The following CDYL variants were observed in gnomAD, a reference collection of about 807,000 sequenced individuals.
CDYL encodes chromodomain Y like.
CDYL carries 8 observed loss-of-function variants against 47.3 expected under a neutral mutation model. That is an observed-to-expected ratio of 0.17 (90% CI 0.10 to 0.31). The LOEUF is 0.31. Ranked by LOEUF, CDYL falls within the 10% of genes least tolerant of loss-of-function variation. The pLI is 1.00. For missense variants in CDYL, 471 were observed against 701.4 expected, an observed-to-expected ratio of 0.67 and a Z score of 3.71; for synonymous variants, 266 against 265.0, an observed-to-expected ratio of 1.00 and a Z score of -0.04.
chr6:4,715,909 T>C, intron 2 of CDYL: 1 of 1,606,334 alleles, frequency 6.2e-7, no homozygotes, highest in Non-Finnish European at 8.5e-7. Context: ...TCAAATTAGT[T>C]CTGATGCAGT....
intron 3 of CDYL, among the ~76,000 whole-genome samples, chr6:4,937,063 A>T (rs1758217615): frequency 6.6e-6 from 1 of 152,210 alleles, no homozygotes; most frequent in African/African-American, 2.4e-5. Context: ...CTCCAGTAAT[A>T]AAATGCTTTT....
chr6:4,758,735 G>T (rs1758118464), intron 3 of CDYL, among the ~76,000 whole-genome samples: 2 of 152,036 alleles, frequency 1.3e-5, no homozygotes, highest in Non-Finnish European at 2.9e-5. Context: ...TAATTCTAGA[G>T]AAAAGTCACA....
chr6:4,707,488 G>A (rs892524617), intron 1 of CDYL, among the ~76,000 whole-genome samples: 1 of 152,100 alleles, frequency 6.6e-6, no homozygotes, highest in Non-Finnish European at 1.5e-5. Context: ...TGGCCAGGAT[G>A]GTCTTGATCT....
At chr6:4,822,416 G>T (rs2127449322) in intron 1 of CDYL, among the ~76,000 whole-genome samples, 1 of 151,656 alleles carries the variant, frequency 6.6e-6, no homozygotes, top group South Asian at 2.1e-4. Context: ...AATTTAATCT[G>T]GGGGGAAAAA....
intron 1 of CDYL, among the ~76,000 whole-genome samples, chr6:4,785,708 A>G: frequency 6.6e-6 from 1 of 152,336 alleles, no homozygotes; most frequent in East Asian, 1.9e-4. Context: ...TGCACACTGG[A>G]CAACAGCTCT....
chr6:4,715,682 G>T (rs1366209544), intron 1 of CDYL: 12 of 1,493,706 alleles, frequency 8.0e-6, no homozygotes, highest in East Asian at 2.4e-5. Context: ...AATGCCATGA[G>T]CCTTGGGTTT....
At chr6:4,712,540 C>T (rs938727138) in intron 1 of CDYL, among the ~76,000 whole-genome samples, 4 of 152,302 alleles carry the variant, frequency 2.6e-5, no homozygotes, top group East Asian at 3.9e-4. Flanking sequence ...ACCTCCCACC[C>T]GGGCACAAGC....
At chr6:4,894,889 GTA>G (rs1561692357) in intron 2 of CDYL, among the ~76,000 whole-genome samples, 35 of 148,170 alleles carry the variant, frequency 2.4e-4, no homozygotes, top group African/African-American at 5.9e-4. Flanking sequence ...GTATGTGTGT[GTA>G]TATATACACA....
At chr6:4,894,878 T>TGTGTATATATACACAC (rs1561692297) in intron 2 of CDYL, among the ~76,000 whole-genome samples, 2 of 148,102 alleles carry the variant, frequency 1.4e-5, no homozygotes, top group African/African-American at 5.2e-5. Flanking sequence ...TACACACATG[T>TGTGTATATATACACAC]GTATGTGTGT....
At chr6:4,938,889 A>G (rs571810140) in intron 4 of CDYL, among the ~76,000 whole-genome samples, 3 of 152,272 alleles carry the variant, frequency 2.0e-5, no homozygotes, top group African/African-American at 7.2e-5. Context: ...ATATCCCCTC[A>G]TTTATCATGC....
At chr6:4,769,965 TTGTGTGTGTGTGTG>T (rs58041362) in intron 3 of CDYL, among the ~76,000 whole-genome samples, 122 of 137,906 alleles carry the variant, frequency 8.8e-4, no homozygotes, top group Middle Eastern at 7.2e-3. Context: ...CCCGGCTAAT[TTGTGTGTGTGTGTG>T]TGTGTGTGTG....
intron 1 of CDYL, among the ~76,000 whole-genome samples, chr6:4,794,852 A>G (rs187743823): frequency 2.6e-5 from 4 of 152,288 alleles, no homozygotes; most frequent in Admixed American, 2.6e-4. Flanking sequence ...CTGTTTATGT[A>G]TATCTGATCT....
intron 6 of CDYL, among the ~76,000 whole-genome samples, 200 bp from the exon 7 acceptor site, chr6:4,953,698 A>C (rs1377732432): frequency 6.6e-6 from 1 of 152,182 alleles, no homozygotes; most frequent in African/African-American, 2.4e-5. Flanking sequence ...GCCGTTTTGA[A>C]GTTAAGAATG....
At chr6:4,844,126 C>G (rs1760584057) in intron 1 of CDYL, among the ~76,000 whole-genome samples, 1 of 152,300 alleles carries the variant, frequency 6.6e-6, no homozygotes, top group African/African-American at 2.4e-5. Flanking sequence ...TGCAGAGATA[C>G]CGGGCTCTGG....
chr6:4,933,563 T>G (rs1195329666), intron 2 of CDYL, among the ~76,000 whole-genome samples: 1 of 152,158 alleles, frequency 6.6e-6, no homozygotes, highest in African/African-American at 2.4e-5. Flanking sequence ...GGACTGAGAC[T>G]GGAGGAACAG....
At chr6:4,781,846 T>G (rs1414304284) in intron 1 of CDYL, among the ~76,000 whole-genome samples, 1 of 152,130 alleles carries the variant, frequency 6.6e-6, no homozygotes, top group African/African-American at 2.4e-5. Flanking sequence ...GAGTGATAGT[T>G]TTTATATTGT....
rs145246877 is a variant in CDYL, at chr6:4,831,791, G to A, written c.24+54984G>A. Among the ~76,000 whole-genome samples the A allele has an allele frequency of 5.7e-4, 87 of 152,234 alleles. No individual in the cohort carries two copies. In the East Asian group the frequency reaches 0.016, roughly 28 times the overall value. ...AGTTCTCCTTGAAGAGACCCTTCACGTCCGTTGTAAGGTGGATTCCTAAGT... is the reference window on the plus strand; with the variant it reads ...AGTTCTCCTTGAAGAGACCCTTCACATCCGTTGTAAGGTGGATTCCTAAGT... On this transcript the variant is annotated intron_variant, in intron 1 of 6. Coordinates refer to ENST00000397588, the MANE Select transcript of CDYL (RefSeq NM_004824.4).
intron 2 of CDYL, among the ~76,000 whole-genome samples, chr6:4,933,382 G>T (rs1199763106): frequency 1.3e-5 from 2 of 152,180 alleles, no homozygotes; most frequent in African/African-American, 4.8e-5. Flanking sequence ...CCCTGTGGAA[G>T]CCCCTCTTCC....
intron 2 of CDYL, among the ~76,000 whole-genome samples, chr6:4,893,768 A>G (rs1364140480): frequency 6.6e-6 from 1 of 152,174 alleles, no homozygotes; most frequent in African/African-American, 2.4e-5. Flanking sequence ...GTAGAATAAT[A>G]GCAAACAAAA....
Sources: allele counts gnomAD v4.1 joint callset (sites outside exome capture counted in the v4.1 genomes callset), GRCh38; gene constraint gnomAD v4.1.1; transcripts MANE v1.5; gene names NCBI Gene and HGNC (gene_info 2026-07-23, HGNC 2026-07-21).